Variants in MED9 observed in about 807,000 individuals in gnomAD.
MED9 encodes the protein mediator of RNA polymerase II transcription subunit 9.
MED9 carries 8 observed loss-of-function variants against 13.2 expected under a neutral mutation model. The observed-to-expected ratio is 0.61, with a 90% CI of 0.36 to 1.10. The LOEUF (loss-of-function observed/expected upper bound fraction) is 1.10. Among genes scored for constraint, MED9 ranks in the 50% least tolerant of loss-of-function variants. MED9 has a pLI of 0.02. For missense variants in MED9, 180 were observed against 193.4 expected (o/e 0.93, Z 0.41); for synonymous variants, 87 against 82.8 (o/e 1.05, Z -0.28).
chr17:17,479,489 G>C (rs1232481605), intron 1 of MED9, among the ~76,000 whole-genome samples: 1 of 149,522 alleles, frequency 6.7e-6, no homozygotes, highest in Non-Finnish European at 1.5e-5. Context: ...GCTTGTCTCT[G>C]TTCCATCTAA....
At chr17:17,487,462 G>A (rs1409572722) in intron 1 of MED9, 2 of 164,032 alleles carry the variant, frequency 1.2e-5, no homozygotes, top group Non-Finnish European at 2.6e-5. Context: ...GCGAGACCAC[G>A]AGCCCACCGG....
Position 17,477,135 on chromosome 17 carries a change from C to A in MED9, c.94C>A (p.Pro32Thr), listed in dbSNP as rs1280474604. The A allele has an allele frequency of 6.2e-7, 1 of 1,607,818 alleles. No individual in the cohort carries two copies. Among genetic ancestry groups the A allele is most frequent in the Non-Finnish European group, 8.5e-7 (1 of 1,178,052 alleles). The change falls in exon 1 of 2, where the codon CCT becomes ACT. Residue 32 changes from proline to threonine, a missense_variant. Pro to Thr is a conservative substitution (Grantham distance 38). Transcript: ENST00000268711. ...GCTGCCTGACACCAAGCCGCTGCCG[C>A]CTCCTCAGCCGCCGCCGGTCCCTGC... is the stretch of plus-strand genomic sequence containing the variant. ...QPLPDTKPLP[P>T]PQPPPVPAPQ...
intron 1 of MED9, chr17:17,485,722 C>T (rs1029738362): frequency 2.7e-5 from 5 of 184,636 alleles, no homozygotes; most frequent in Admixed American, 1.2e-4. Flanking sequence ...AACTCAAGTA[C>T]AGGAAGGAAG....
At position 17,491,303 on chromosome 17, in the gene MED9, C is replaced by T. The variant is rs376468078; in HGVS notation, c.249C>T (p.Val83=). ...GCATGGACAAGGACAGCCCGGAGGTCCACCAGGACCTGAACGCCCTCAAAA... is the reference window on the plus strand; with the variant it reads ...GCATGGACAAGGACAGCCCGGAGGTTCACCAGGACCTGAACGCCCTCAAAA... ...IKCMDKDSPE[V]HQDLNALKSK... is the part of the protein sequence containing the mutation. Residue 83 remains valine, a synonymous_variant, in exon 2 of 2, where the codon GTC becomes GTT. Transcript: ENST00000268711. The T allele has an allele frequency of 2.5e-6, 4 of 1,613,568 alleles. No individual in the cohort carries two copies. In the African/African-American group the frequency reaches 4.0e-5, roughly 16 times the overall value.
In MED9 at chr17:17,486,221, C is replaced by T. The variant is rs565200264; in HGVS notation, c.225-5058C>T. On this transcript the variant is annotated intron_variant, in intron 1 of 1. Coordinates refer to ENST00000268711, the MANE Select transcript of MED9 (RefSeq NM_018019.3). Reference sequence around the variant, plus strand: ...CCTCAGAGCCCTCACTTGCTCTCGGCACCTCCTCTGCCTGGGCTCCCACTT... The same window carrying T: ...CCTCAGAGCCCTCACTTGCTCTCGGTACCTCCTCTGCCTGGGCTCCCACTT... 41 of 154,586 alleles carry T rather than the reference C, an allele frequency of 2.7e-4. No homozygotes were observed. The Middle Eastern group carries it at 0.013, about 48-fold the overall frequency. The allele number at this position is 154,586 out of a possible 1,614,324, so 9.6% of individuals were successfully genotyped here. A position where few individuals can be genotyped will look rare whatever the true frequency, so the allele number is the denominator to read the frequency against.
chr17:17,488,831 C>G (rs990759440), intron 1 of MED9, among the ~76,000 whole-genome samples: 1 of 137,352 alleles, frequency 7.3e-6, no homozygotes, highest in African/African-American at 2.6e-5. Flanking sequence ...AACTCTGTCT[C>G]AAAAAAAAAA....
At chr17:17,481,672 G>A (rs928265971) in intron 1 of MED9, among the ~76,000 whole-genome samples, 4 of 152,192 alleles carry the variant, frequency 2.6e-5, no homozygotes, top group Admixed American at 2.6e-4. Context: ...GCATCTTGTG[G>A]ATGCAGCATA....
chr17:17,487,845 C>A, intron 1 of MED9: 1 of 152,230 alleles, frequency 6.6e-6, no homozygotes, highest in East Asian at 1.9e-4. Flanking sequence ...TCTGAGGTGC[C>A]TTGTTAAGTA....
rs1041967523 is a variant in MED9, at chr17:17,491,646, C to T, written c.*151C>T. 2.5e-5 allele frequency: 19 copies of T among 759,392 alleles called. No individual in the cohort carries two copies. In the East Asian group the frequency reaches 3.2e-4, roughly 13 times the overall value. 47.0% of individuals were successfully genotyped at this position (759,392 alleles called of 1,614,324 possible). A position where few individuals can be genotyped will look rare whatever the true frequency, so the allele number is the denominator to read the frequency against. ...GGCTCCTGTGCTGCTGCGCGCGCTTCGCCTGTGCGGGAGCCAGCGCAGAGC... is the reference window on the plus strand; with the variant it reads ...GGCTCCTGTGCTGCTGCGCGCGCTTTGCCTGTGCGGGAGCCAGCGCAGAGC... On this transcript the variant is annotated 3_prime_UTR_variant, in exon 2 of 2. Transcript: ENST00000268711.
chr17:17,478,044 G>A (rs1904958500), intron 1 of MED9, among the ~76,000 whole-genome samples: 1 of 152,186 alleles, frequency 6.6e-6, no homozygotes, highest in Non-Finnish European at 1.5e-5. Context: ...CACCCAGACT[G>A]GAGTACAGTG....
intron 1 of MED9, among the ~76,000 whole-genome samples, chr17:17,479,445 T>G (rs1371964607): frequency 2.0e-5 from 3 of 151,558 alleles, no homozygotes; most frequent in Non-Finnish European, 2.9e-5. Flanking sequence ...TACTCAGGAG[T>G]GTACCTGTGA....
In MED9 at chr17:17,483,110, G is replaced by A. The variant is rs753850338; in HGVS notation, c.224+5845G>A. 1.8e-4 allele frequency among the ~76,000 whole-genome samples: 27 copies of A among 152,040 alleles called. No homozygotes were observed. Among genetic ancestry groups the A allele is most frequent in the African/African-American group, 2.2e-4 (9 of 41,376 alleles). On this transcript the variant is annotated intron_variant, in intron 1 of 1. Coordinates refer to ENST00000268711, the MANE Select transcript of MED9 (RefSeq NM_018019.3). This position sits in a 1 kb window ranked among gnomAD's most constrained non-coding sequence, Gnocchi z 4.2. ...GATGCTTTTGTTAATGGAACATTTC[G>A]TCTTTAATCTGCTTCTTTACTTCCA... is the stretch of plus-strand genomic sequence containing the variant.
chr17:17,487,150 G>C (rs1905147220), intron 1 of MED9: 1 of 152,312 alleles, frequency 6.6e-6, no homozygotes, highest in Non-Finnish European at 1.5e-5. Flanking sequence ...TAACTAATCT[G>C]ATGGGGACGG....
chr17:17,488,869 G>A (rs1905184546), intron 1 of MED9, among the ~76,000 whole-genome samples: 1 of 152,002 alleles, frequency 6.6e-6, no homozygotes, highest in Admixed American at 6.6e-5. Flanking sequence ...CAGTACCACA[G>A]TAGTTGGGAC....
intron 1 of MED9, among the ~76,000 whole-genome samples, chr17:17,481,879 C>G (rs1188779862): frequency 1.3e-5 from 2 of 152,216 alleles, no homozygotes; most frequent in African/African-American, 4.8e-5. Context: ...AGCACTACGT[C>G]TTTTTAGCTA....
intron 1 of MED9, chr17:17,485,329 C>T (rs775333902): frequency 4.8e-5 from 19 of 398,448 alleles, no homozygotes; most frequent in Non-Finnish European, 8.4e-5. Context: ...AAGTGATCTG[C>T]TGACTTCAGC....
In MED9 at chr17:17,491,693, C is replaced by T. The variant is rs766908206; in HGVS notation, c.*198C>T. On this transcript the variant is annotated 3_prime_UTR_variant, in exon 2 of 2. Coordinates refer to ENST00000268711, the MANE Select transcript of MED9 (RefSeq NM_018019.3). ...GAGCTTGGCTGCGCCGGGGGTTCCT[C>T]GTGTAGATCCATATGTCTAGATGCA... is the stretch of plus-strand genomic sequence containing the variant. 1.7e-5 allele frequency: 10 copies of T among 592,432 alleles called. No individual in the cohort carries two copies. The highest frequency in any genetic ancestry group is 2.7e-5 in the Non-Finnish European group (9 of 333,904). 36.7% of individuals were successfully genotyped at this position (592,432 alleles called of 1,614,324 possible).
rs191261393 is a variant in MED9, at chr17:17,487,408, T to C, written c.225-3871T>C. 1.2e-3 allele frequency: 192 copies of C among 163,536 alleles called. 1 individual carries two copies. Among genetic ancestry groups the C allele is most frequent in the Non-Finnish European group, 3.0e-4 (23 of 75,542 alleles). 10.1% of individuals were successfully genotyped at this position (163,536 alleles called of 1,614,324 possible). On this transcript the variant is annotated intron_variant, in intron 1 of 1. Transcript: ENST00000268711. Reference sequence around the variant, plus strand: ...TTGGGTCCACGCTGCTTTTATGAGCTGTAACACTCACCGCGAAGATCTGCA... The same window carrying C: ...TTGGGTCCACGCTGCTTTTATGAGCCGTAACACTCACCGCGAAGATCTGCA...
At chr17:17,479,474 C>G (rs1904989799) in intron 1 of MED9, among the ~76,000 whole-genome samples, 1 of 150,012 alleles carries the variant, frequency 6.7e-6, no homozygotes, top group South Asian at 2.1e-4. Context: ...GGGTTGATCA[C>G]ATGTGCTTGT....
Sources: allele counts gnomAD v4.1 joint callset (sites outside exome capture counted in the v4.1 genomes callset), GRCh38; gene constraint gnomAD v4.1.1; non-coding constraint Gnocchi (gnomAD v3.1); transcripts MANE v1.5; gene names NCBI Gene and HGNC (gene_info 2026-07-23, HGNC 2026-07-21).